Variants in PELP1 observed in about 807,000 individuals in gnomAD.
PELP1 encodes the protein proline-, glutamic acid- and leucine-rich protein 1.
PELP1 carries 32 observed loss-of-function variants against 95.5 expected under a neutral mutation model. That is an observed-to-expected ratio of 0.34 (90% confidence interval 0.25 to 0.45). PELP1 has a LOEUF of 0.45. PELP1 is among the 20% of genes least tolerant of loss of function. The pLI is 1.00. For synonymous variants in PELP1, 668 were observed against 600.1 expected (o/e 1.11, Z -1.65); for missense variants, 1,358 against 1,444.8 (o/e 0.94, Z 0.97).
chr17:4,678,282 C>T (rs564919362), intron 5 of PELP1, among the ~76,000 whole-genome samples: 122 of 152,192 alleles, frequency 8.0e-4, no homozygotes, highest in African/African-American at 2.8e-3. Context: ...GGAGCCAACA[C>T]TGGCAACATA....
rs376714665 is a variant in PELP1 at position 4,704,060 on chromosome 17, G to A, written c.52C>T (p.Pro18Ser). The A allele has an allele frequency of 9.3e-6, 15 of 1,612,198 alleles. No homozygotes were observed. The African/African-American group carries it at 2.0e-4, about 21-fold the overall frequency. ...GCCGAGAGACCCCCGGTCCCGCCAG[G>A]AACCCCAGCCGCGGAGCCCGCAGAG... Reference protein sequence around the residue: ...GPSAGSAAGVPGGTGGLSAVS... With the variant: ...GPSAGSAAGVSGGTGGLSAVS... The change falls in exon 1 of 17, where the codon CCT becomes TCT. Residue 18 changes from proline to serine, a missense_variant. By Grantham distance (74) the Pro-to-Ser change is moderately conservative. Around this residue, in one of 7 missense-constraint regions of PELP1, gnomAD observed 169 missense variants for 134.9 expected, o/e 1.25. Coordinates refer to ENST00000572293, the MANE Select transcript of PELP1 (RefSeq NM_014389.3).
At chr17:4,676,214 T>C (rs1912468939) in intron 7 of PELP1, 52 bp from the exon 8 acceptor site, 1 of 1,602,342 alleles carries the variant, frequency 6.2e-7, no homozygotes, top group Admixed American at 1.7e-5. Context: ...TCCCCTCCTC[T>C]GTCATTTCTG....
intron 1 of PELP1, among the ~76,000 whole-genome samples, chr17:4,699,220 A>T (rs4790685): frequency 0.66 from 99,462 of 151,810 alleles, 33,392 homozygotes; most frequent in East Asian, 0.82. Context: ...TCCACTAAAA[A>T]TACAAAAAAA....
At position 4,672,478 on chromosome 17, in the gene PELP1, G is replaced by C; in HGVS notation, c.2513C>G (p.Pro838Arg). 1.3e-6 allele frequency: 2 copies of C among 1,568,728 alleles called. No individual in the cohort carries two copies. Among genetic ancestry groups the C allele is most frequent in the Non-Finnish European group, 1.7e-6 (2 of 1,158,582 alleles). The stretch of plus-strand genomic sequence containing the variant: ...CGGCGGAGGTGGGGGTGGCGGGAGA[G>C]GCCCTGGGGCTGCAGGAAGTTCTTC... ...EPEELPAAPGPLPPPPPPPPP... is the reference protein window; with the variant it reads ...EPEELPAAPGRLPPPPPPPPP... The change falls in exon 16 of 17, where the codon CCT (proline) becomes CGT (arginine). Residue 838 changes from proline to arginine, a missense_variant. Transcript: ENST00000572293.
At chr17:4,702,904 G>C (rs530380814) in intron 1 of PELP1, among the ~76,000 whole-genome samples, 1 of 152,300 alleles carries the variant, frequency 6.6e-6, no homozygotes, top group South Asian at 2.1e-4. Context: ...ACCCGGACAA[G>C]ATGGTGGGGG....
Position 4,704,078 on chromosome 17 carries a change from C to A in PELP1, c.34G>T (p.Gly12Cys), listed in dbSNP as rs761556891. ...AAAVLSGPSA[G>C]SAAGVPGGTG... ...CCGCCAGGAACCCCAGCCGCGGAGC[C>A]CGCAGAGGGCCCACTCAGAACGGCT... The change falls in exon 1 of 17, where the codon GGC becomes TGC. Residue 12 changes from glycine to cysteine, a missense_variant. Around this residue, in one of 7 missense-constraint regions of PELP1, gnomAD observed 169 missense variants for 134.9 expected, o/e 1.25. Transcript: ENST00000572293. The A allele has an allele frequency of 6.2e-7, 1 of 1,611,166 alleles. No individual in the cohort carries two copies. The highest frequency in any genetic ancestry group is 2.2e-5 in the East Asian group (1 of 44,860).
At chr17:4,678,835 A>G (rs954572561) in intron 5 of PELP1, among the ~76,000 whole-genome samples, 12 of 152,156 alleles carry the variant, frequency 7.9e-5, no homozygotes, top group African/African-American at 2.4e-4. Context: ...TTACCCTGAG[A>G]GTATCCGGGG....
chr17:4,699,798 G>A (rs535642626), intron 1 of PELP1, among the ~76,000 whole-genome samples: 2 of 152,056 alleles, frequency 1.3e-5, no homozygotes, highest in Non-Finnish European at 2.9e-5. Flanking sequence ...TGTTGGTCAG[G>A]CTGGTCTCGA....
At chr17:4,698,774 G>T (rs1012592426) in intron 1 of PELP1, among the ~76,000 whole-genome samples, 2 of 151,992 alleles carry the variant, frequency 1.3e-5, no homozygotes. Flanking sequence ...TAGGAGAACT[G>T]ATGGCAAAAC....
chr17:4,686,876 TGA>T (rs1360181099), intron 3 of PELP1, among the ~76,000 whole-genome samples: 1 of 152,092 alleles, frequency 6.6e-6, no homozygotes, highest in East Asian at 1.9e-4. Flanking sequence ...AAACCTTCCA[TGA>T]GTTGCCACTA....
At chr17:4,676,309 C>A (rs771973373) in intron 7 of PELP1, 48 bp downstream of exon 7, 3 of 1,594,652 alleles carry the variant, frequency 1.9e-6, no homozygotes, top group African/African-American at 2.7e-5. Flanking sequence ...TTCCTTCCTG[C>A]CACGCTTCCT....
chr17:4,679,635 T>C (rs938123188), intron 5 of PELP1, among the ~76,000 whole-genome samples: 4 of 152,188 alleles, frequency 2.6e-5, no homozygotes, highest in African/African-American at 9.7e-5. Context: ...CCTGTGTCAT[T>C]TGAGAGGTTA....
intron 5 of PELP1, among the ~76,000 whole-genome samples, chr17:4,678,834 G>C (rs922941144): frequency 5.9e-5 from 9 of 152,154 alleles, no homozygotes; most frequent in African/African-American, 2.2e-4. Flanking sequence ...ATTACCCTGA[G>C]AGTATCCGGG....
intron 1 of PELP1, chr17:4,696,967 A>C (rs752736652): frequency 6.6e-6 from 1 of 152,136 alleles, no homozygotes; most frequent in African/African-American, 2.4e-5. Context: ...TGTGATGTGT[A>C]TTTAACATGA....
intron 16 of PELP1, 40 bp downstream of exon 16, chr17:4,671,651 A>G: frequency 4.4e-6 from 7 of 1,600,558 alleles, no homozygotes; most frequent in Non-Finnish European, 6.0e-6. Flanking sequence ...CGCCAGCCCC[A>G]CCTTCTCGCC....
chr17:4,682,791 G>A lies in PELP1; in HGVS notation c.570+12C>T, dbSNP rs771197352. Reference sequence around the variant, plus strand: ...GGGGGGCCATGGGGAAGGGTCCAGGGAGACATCTCACCTCTGGCCTGAGGC... The same window carrying A: ...GGGGGGCCATGGGGAAGGGTCCAGGAAGACATCTCACCTCTGGCCTGAGGC... On this transcript the variant is annotated intron_variant, in intron 4 of 16. Coordinates refer to ENST00000572293, the MANE Select transcript of PELP1 (RefSeq NM_014389.3). 6 of 1,561,082 alleles carry A rather than the reference G, an allele frequency of 3.8e-6. No individual in the cohort carries two copies. The highest frequency in any genetic ancestry group is 5.2e-6 in the Non-Finnish European group (6 of 1,157,344).
chr17:4,702,930 G>C (rs1182190318), intron 1 of PELP1, among the ~76,000 whole-genome samples: 2 of 152,118 alleles, frequency 1.3e-5, no homozygotes, highest in Non-Finnish European at 2.9e-5. Context: ...GCTAGAATGG[G>C]AGCAATGAGA....
intron 1 of PELP1, chr17:4,696,706 A>C (rs551862824): frequency 3.0e-4 from 45 of 152,360 alleles, no homozygotes; most frequent in African/African-American, 1.0e-3. Flanking sequence ...ATGATGATGC[A>C]GCTTGAAGAA....
chr17:4,697,452 T>G (rs1342427681), intron 1 of PELP1, among the ~76,000 whole-genome samples: 3 of 152,210 alleles, frequency 2.0e-5, no homozygotes, highest in Admixed American at 6.5e-5. Context: ...AGATCAAGGA[T>G]GCAGTAAGCT....
Sources: gnomAD v4.1 joint callset for allele counts (sites outside exome capture counted in the v4.1 genomes callset) on GRCh38, gnomAD v4.1.1 for gene constraint, gnomAD v4.1.1 regional missense constraint, MANE v1.5 for transcripts, NCBI Gene and HGNC (gene_info 2026-07-23, HGNC 2026-07-21) for gene names.